The following IL23R variants were observed in gnomAD, a reference collection of about 807,000 sequenced individuals.
IL23R encodes interleukin 23 receptor.
A neutral mutation model predicts 56.9 loss-of-function variants in IL23R; 34 were observed. The ratio of observed to expected loss-of-function variants is 0.60; its 90% CI spans 0.45 to 0.80. The LOEUF (loss-of-function observed/expected upper bound fraction) is 0.80. IL23R is among the 30% of genes least tolerant of loss of function. IL23R has a pLI of 0.00. For synonymous variants in IL23R, 230 were observed against 249.2 expected (o/e 0.92, Z 0.73); for missense variants, 635 against 730.0 (o/e 0.87, Z 1.50).
rs11465826 is a variant in IL23R at position 67,258,342 on chromosome 1, T to C, written c.1240-136T>C. On this transcript the variant is annotated intron_variant, in intron 10 of 10. Transcript: ENST00000347310. Reference sequence around the variant, plus strand: ...CAAAAGACAAAAGGAGGAAATCATATGGGAAGATAAACAATATGAGAAAAT... The same window carrying C: ...CAAAAGACAAAAGGAGGAAATCATACGGGAAGATAAACAATATGAGAAAAT... The C allele has an allele frequency of 5.0e-6, 3 of 596,518 alleles. No homozygotes were observed. In the African/African-American group the frequency reaches 5.5e-5, roughly 11 times the overall value. The allele number at this position is 596,518 out of a possible 1,614,324, so 37.0% of individuals were successfully genotyped here.
chr1:67,219,811 A>C, intron 7 of IL23R, 81 bp downstream of exon 7: 1 of 1,370,550 alleles, frequency 7.3e-7, no homozygotes, highest in Non-Finnish European at 1.0e-6. Context: ...CACACCTATA[A>C]TTCCAGCACT....
intron 3 of IL23R, among the ~76,000 whole-genome samples, chr1:67,173,425 C>G: frequency 6.6e-6 from 1 of 152,104 alleles, no homozygotes; most frequent in Non-Finnish European, 1.5e-5. Flanking sequence ...CACTCTGTAT[C>G]TGAAACCAGA....
chr1:67,199,343 T>TGCGATCTCTCACCCCATC (rs1553289725), intron 4 of IL23R, among the ~76,000 whole-genome samples: 1 of 152,120 alleles, frequency 6.6e-6, no homozygotes, highest in African/African-American at 2.4e-5. Flanking sequence ...CCTACCCCAT[T>TGCGATCTCTCACCCCATC]GCGATCTCTC....
intron 5 of IL23R, among the ~76,000 whole-genome samples, chr1:67,205,819 A>T (rs1427684926): frequency 6.6e-6 from 1 of 152,200 alleles, no homozygotes; most frequent in African/African-American, 2.4e-5. Flanking sequence ...ATGTTTCCCT[A>T]ATACACAAGA....
intron 8 of IL23R, 147 bp downstream of exon 8, chr1:67,236,949 A>G: frequency 1.5e-6 from 1 of 668,202 alleles, no homozygotes. Context: ...TAGACAAAGT[A>G]CAAAGATCTG....
intron 1 of IL23R, among the ~76,000 whole-genome samples, chr1:67,140,442 G>T (rs1027044453): frequency 1.3e-5 from 2 of 152,078 alleles, no homozygotes; most frequent in Non-Finnish European, 2.9e-5. Context: ...ACCTACAAAT[G>T]ATCATTAATT....
intron 6 of IL23R, among the ~76,000 whole-genome samples, chr1:67,218,432 G>T (rs1168183133): frequency 6.6e-6 from 1 of 150,578 alleles, no homozygotes; most frequent in Non-Finnish European, 1.5e-5. Context: ...CCAACTTACA[G>T]CTTAGCTTAT....
At chr1:67,147,078 G>C (rs1292505090) in intron 1 of IL23R, among the ~76,000 whole-genome samples, 2 of 152,016 alleles carry the variant, frequency 1.3e-5, no homozygotes, top group Non-Finnish European at 2.9e-5. Context: ...TCTAGGAAGG[G>C]ACTCTTTCTT....
Position 67,259,300 on chromosome 1 carries a change from C to A in IL23R, c.*172C>A. 1.5e-6 allele frequency: 1 copy of A among 666,070 alleles called. No homozygotes were observed. Among genetic ancestry groups the A allele is most frequent in the Non-Finnish European group, 2.6e-6 (1 of 383,280 alleles). The allele number at this position is 666,070 out of a possible 1,614,324, so 41.3% of individuals were successfully genotyped here. ...GGATAAATACCTAGGTAGGGGATTG[C>A]TGGGCCATATGATAAGCATATGTTT... On this transcript the variant is annotated 3_prime_UTR_variant, in exon 11 of 11. Transcript: ENST00000347310.
At chr1:67,203,482 C>CCCTCCTCCTCTTCCTCCACCT (rs568385174) in intron 5 of IL23R, among the ~76,000 whole-genome samples, 183 of 152,132 alleles carry the variant, frequency 1.2e-3, no homozygotes, top group African/African-American at 2.5e-3. Context: ...CTTTCTCTTT[C>CCCTCCTCCTCTTCCTCCACCT]CCTCCTCCTC....
intron 5 of IL23R, among the ~76,000 whole-genome samples, chr1:67,201,338 G>T (rs1446137125): frequency 2.0e-5 from 3 of 151,442 alleles, no homozygotes; most frequent in Non-Finnish European, 4.4e-5. Flanking sequence ...AATCTGGGAG[G>T]CAGAGGTTGC....
intron 7 of IL23R, among the ~76,000 whole-genome samples, chr1:67,235,534 C>T (rs1196228052): frequency 6.6e-6 from 1 of 152,000 alleles, no homozygotes; most frequent in Non-Finnish European, 1.5e-5. Context: ...GCTGGTATTA[C>T]AGGCACGCAC....
intron 1 of IL23R, among the ~76,000 whole-genome samples, chr1:67,158,733 G>T (rs1646791653): frequency 6.6e-6 from 1 of 152,076 alleles, no homozygotes; most frequent in African/African-American, 2.4e-5. Context: ...CTCAAAAGTA[G>T]ATAAGTATTG....
intron 3 of IL23R, among the ~76,000 whole-genome samples, chr1:67,178,502 C>A (rs1647043888): frequency 6.6e-6 from 1 of 152,184 alleles, no homozygotes; most frequent in African/African-American, 2.4e-5. Context: ...TGCCTATCAG[C>A]TTAAGGAGAT....
Position 67,258,933 on chromosome 1 carries a change from C to T in IL23R, c.1695C>T (p.Asn565=), listed in dbSNP as rs1375896283. ...QGECSSPDIQ[N]SVEEETTMLL... is the part of the protein sequence containing the mutation. ...AATGCAGTTCTCCTGACATACAAAA[C>T]TCAGTAGAGGAGGAAACCACCATGC... Residue 565 remains asparagine (N), a synonymous_variant, in exon 11 of 11, where the codon AAC becomes AAT. Coordinates refer to ENST00000347310, the MANE Select transcript of IL23R (RefSeq NM_144701.3). The T allele has an allele frequency of 6.2e-7, 1 of 1,613,950 alleles. No homozygotes were observed. Among genetic ancestry groups the T allele is most frequent in the Non-Finnish European group, 8.5e-7 (1 of 1,179,998 alleles).
At chr1:67,257,981 C>G (rs1653043314) in intron 10 of IL23R, among the ~76,000 whole-genome samples, 1 of 152,062 alleles carries the variant, frequency 6.6e-6, no homozygotes, top group Non-Finnish European at 1.5e-5. Flanking sequence ...GGATTACAGG[C>G]CTTATCCACC....
intron 7 of IL23R, among the ~76,000 whole-genome samples, chr1:67,220,143 T>C: frequency 6.6e-6 from 1 of 151,004 alleles, no homozygotes; most frequent in East Asian, 2.0e-4. Context: ...CCAAGGTGGG[T>C]GGATTACCTT....
At chr1:67,204,829 A>C (rs1342336714) in intron 5 of IL23R, among the ~76,000 whole-genome samples, 1 of 150,406 alleles carries the variant, frequency 6.6e-6, no homozygotes, top group Non-Finnish European at 1.5e-5. Context: ...CCCAGGCTGG[A>C]GTGCAGTGGC....
At chr1:67,160,415 A>G (rs1185616101) in intron 1 of IL23R, among the ~76,000 whole-genome samples, 3 of 152,230 alleles carry the variant, frequency 2.0e-5, no homozygotes, top group Non-Finnish European at 2.9e-5. Flanking sequence ...ACTGAAGACC[A>G]TTGGCTTCTA....
Sources: gnomAD v4.1 joint callset for allele counts (sites outside exome capture counted in the v4.1 genomes callset) on GRCh38, gnomAD v4.1.1 for gene constraint, MANE v1.5 for transcripts, NCBI Gene and HGNC (gene_info 2026-07-23, HGNC 2026-07-21) for gene names.